The following SERPINI1 variants were observed in gnomAD, a reference collection of about 807,000 sequenced individuals.
SERPINI1 encodes the protein serpin family I member 1.
SERPINI1 carries 19 observed loss-of-function variants against 41.1 expected under a neutral mutation model. The ratio of observed to expected loss-of-function variants is 0.46; its 90% CI spans 0.32 to 0.68. The LOEUF (loss-of-function observed/expected upper bound fraction) is 0.68. Ranked by LOEUF, SERPINI1 falls within the 30% of genes least tolerant of loss-of-function variation. SERPINI1 has a pLI of 0.03. For missense variants in SERPINI1, 460 were observed against 479.2 expected (o/e 0.96, Z 0.37); for synonymous variants, 138 against 156.6 (o/e 0.88, Z 0.89).
chr3:167,819,636 C>G (rs1277772047), intron 6 of SERPINI1, among the ~76,000 whole-genome samples: 1 of 152,136 alleles, frequency 6.6e-6, no homozygotes, highest in Non-Finnish European at 1.5e-5. Context: ...GGGGCTTATT[C>G]AAAGTAATCA....
chr3:167,771,572 C>T (rs1046611962), intron 1 of SERPINI1, among the ~76,000 whole-genome samples: 2 of 152,106 alleles, frequency 1.3e-5, no homozygotes, highest in East Asian at 1.9e-4. Flanking sequence ...TCACTATATA[C>T]CTTTTTATAA....
intron 1 of SERPINI1, among the ~76,000 whole-genome samples, chr3:167,777,464 G>T (rs1464470140): frequency 2.0e-5 from 3 of 152,036 alleles, no homozygotes; most frequent in Non-Finnish European, 4.4e-5. Flanking sequence ...TTCACAAGAG[G>T]TTATTGTAGT....
At chr3:167,801,142 G>A (rs1727886704) in intron 5 of SERPINI1, among the ~76,000 whole-genome samples, 1 of 152,102 alleles carries the variant, frequency 6.6e-6, no homozygotes, top group African/African-American at 2.4e-5. Flanking sequence ...TAACATGAGT[G>A]CTTTTCATTA....
intron 1 of SERPINI1, among the ~76,000 whole-genome samples, chr3:167,743,443 T>C (rs972986452): frequency 1.3e-5 from 2 of 152,200 alleles, no homozygotes; most frequent in African/African-American, 4.8e-5. Context: ...ATTAATTTTT[T>C]TCTCTGCCTA....
At position 167,825,174 on chromosome 3, in the gene SERPINI1, G is replaced by T; in HGVS notation, c.1157-73G>T. On this transcript the variant is annotated intron_variant, in intron 8 of 8. Coordinates refer to ENST00000446050, the MANE Select transcript of SERPINI1 (RefSeq NM_001122752.2). ...AGAAAATAACATATTTTCATTAATT[G>T]TAAGCAAGAAGGAAGATAAATATTT... 7 of 972,350 alleles carry T rather than the reference G, an allele frequency of 7.2e-6. No homozygotes were observed. In the South Asian group the frequency reaches 9.0e-5, roughly 12 times the overall value. 60.2% of individuals were successfully genotyped at this position (972,350 alleles called of 1,614,324 possible).
At chr3:167,810,172 A>C (rs1336228547) in intron 6 of SERPINI1, among the ~76,000 whole-genome samples, 1 of 152,064 alleles carries the variant, frequency 6.6e-6, no homozygotes, top group Non-Finnish European at 1.5e-5. Context: ...CATTTATTTG[A>C]GCACCATATG....
intron 4 of SERPINI1, among the ~76,000 whole-genome samples, chr3:167,793,596 A>ATATATATATATATT: frequency 7.1e-6 from 1 of 140,610 alleles, no homozygotes; most frequent in African/African-American, 2.7e-5. Flanking sequence ...ATATATATAT[A>ATATATATATATATT]TTTTTAATTA....
chr3:167,825,121 GAGGAAGGA>G lies in SERPINI1; in HGVS notation c.1157-105_1157-98del, dbSNP rs35943442. On this transcript the variant is annotated intron_variant, in intron 8 of 8. Transcript: ENST00000446050. ...AGAGAGAGGAAGGAAGGAAGGACAG[GAGGAAGGA>G]AGGAAGGAAGGAAGGAAGGAGAAAA... The G allele has an allele frequency of 2.8e-4, 206 of 736,198 alleles. 2 individuals are homozygous for G. Among genetic ancestry groups the G allele is most frequent in the Middle Eastern group, 1.5e-3 (5 of 3,238 alleles). 45.6% of individuals were successfully genotyped at this position (736,198 alleles called of 1,614,324 possible).
intron 1 of SERPINI1, among the ~76,000 whole-genome samples, chr3:167,772,893 TACACACACACACACACACACACACAC>T (rs71176658): frequency 1.9e-5 from 1 of 52,228 alleles, no homozygotes; most frequent in Non-Finnish European, 3.4e-5. Context: ...TATATATATA[TACACACACACACACACACACACACAC>T]ACATGCATAT....
chr3:167,796,721 T>C (rs1388113087), intron 5 of SERPINI1, among the ~76,000 whole-genome samples: 1 of 148,778 alleles, frequency 6.7e-6, no homozygotes, highest in Non-Finnish European at 1.5e-5. Context: ...TATTCCATGG[T>C]GTATATGTAC....
At chr3:167,817,219 T>A (rs1257197929) in intron 6 of SERPINI1, among the ~76,000 whole-genome samples, 4 of 152,186 alleles carry the variant, frequency 2.6e-5, no homozygotes, top group Non-Finnish European at 4.4e-5. Flanking sequence ...TTCAAAAAGA[T>A]GATTTGTATA....
chr3:167,795,509 T>C (rs933615603), intron 5 of SERPINI1, among the ~76,000 whole-genome samples: 1 of 152,184 alleles, frequency 6.6e-6, no homozygotes, highest in Admixed American at 6.5e-5. Flanking sequence ...TCTCCACTTA[T>C]GTTCTTGCAT....
At chr3:167,815,836 C>G (rs1712064145) in intron 6 of SERPINI1, among the ~76,000 whole-genome samples, 1 of 152,196 alleles carries the variant, frequency 6.6e-6, no homozygotes, top group Admixed American at 6.5e-5. Flanking sequence ...CCAAACGTTG[C>G]ATTCAATCTT....
chr3:167,774,726 A>G (rs1726905694), intron 1 of SERPINI1, among the ~76,000 whole-genome samples: 1 of 152,116 alleles, frequency 6.6e-6, no homozygotes, highest in South Asian at 2.1e-4. Context: ...TGAGAATCTA[A>G]CTAATGCCTG....
rs142589675 is a variant in SERPINI1, at chr3:167,773,086, A to G, written c.-18-16025A>G. Among the ~76,000 whole-genome samples, 464 of 151,500 alleles carry G rather than the reference A, an allele frequency of 3.1e-3. 4 individuals are homozygous for G. Among genetic ancestry groups the G allele is most frequent in the African/African-American group, 0.011 (439 of 41,282 alleles). ...AGTTAAAAAACAAAAAGACTCCAAC[A>G]TATTTGCCTGCATTTCATCATGACT... On this transcript the variant is annotated intron_variant, in intron 1 of 8. Coordinates refer to ENST00000446050, the MANE Select transcript of SERPINI1 (RefSeq NM_001122752.2).
At chr3:167,809,911 C>T (rs1711806917) in intron 6 of SERPINI1, among the ~76,000 whole-genome samples, 1 of 152,120 alleles carries the variant, frequency 6.6e-6, no homozygotes, top group Non-Finnish European at 1.5e-5. Context: ...TTCAGGTTTT[C>T]AAGATCACTT....
intron 1 of SERPINI1, among the ~76,000 whole-genome samples, chr3:167,769,817 A>G (rs1014172349): frequency 6.6e-6 from 1 of 152,178 alleles, no homozygotes; most frequent in East Asian, 1.9e-4. Flanking sequence ...GCCATTTGTA[A>G]TATCTTTTTT....
chr3:167,773,657 G>A (rs1726866080), intron 1 of SERPINI1, among the ~76,000 whole-genome samples: 1 of 152,160 alleles, frequency 6.6e-6, no homozygotes, highest in Non-Finnish European at 1.5e-5. Flanking sequence ...ACAGGAACAG[G>A]AAACCAAAGT....
intron 1 of SERPINI1, among the ~76,000 whole-genome samples, chr3:167,748,312 T>A (rs1725928559): frequency 2.0e-5 from 3 of 152,050 alleles, no homozygotes; most frequent in African/African-American, 7.2e-5. Flanking sequence ...TAGACAAAAA[T>A]AAGTTTTAAA....
Sources: gnomAD v4.1 joint callset for allele counts (sites outside exome capture counted in the v4.1 genomes callset) on GRCh38, gnomAD v4.1.1 for gene constraint, MANE v1.5 for transcripts, NCBI Gene and HGNC (gene_info 2026-07-23, HGNC 2026-07-21) for gene names.